Variants in ALDH3A1 observed in about 807,000 individuals in gnomAD.
The protein encoded by ALDH3A1 is aldehyde dehydrogenase, dimeric NADP-preferring.
ALDH3A1 carries 46 observed loss-of-function variants against 49.9 expected under a neutral mutation model. That is an observed-to-expected ratio of 0.92 (90% confidence interval 0.73 to 1.18). The LOEUF (loss-of-function observed/expected upper bound fraction) is 1.18, where lower values mean the gene tolerates loss of function less well. ALDH3A1 is among the 50% of genes most tolerant of loss of function. ALDH3A1 has a pLI of 0.00. For synonymous variants in ALDH3A1, 269 were observed against 253.3 expected (o/e 1.06, Z -0.59); for missense variants, 592 against 611.8 (o/e 0.97, Z 0.34).
intron 8 of ALDH3A1, 46 bp downstream of exon 8, chr17:19,739,462 T>C: frequency 1.9e-6 from 3 of 1,576,580 alleles, no homozygotes; most frequent in Non-Finnish European, 2.6e-6. Context: ...CCCAGGTCTG[T>C]GGGCCCCAGG....
intron 7 of ALDH3A1, 71 bp from the exon 8 acceptor site, chr17:19,739,745 G>A: frequency 6.5e-7 from 1 of 1,548,412 alleles, no homozygotes; most frequent in Middle Eastern, 1.7e-4. Context: ...CAAGCACCTA[G>A]ACCCCTGCTC....
chr17:19,739,466 C>T lies in ALDH3A1; in HGVS notation c.1116+42G>A, dbSNP rs772340321. On this transcript the variant is annotated intron_variant, in intron 8 of 10. Transcript: ENST00000225740. ...TGCAGTTTGAACCCAGGTCTGTGGG[C>T]CCCAGGACCCTGGCAGAGGGCACCC... 13 of 1,580,994 alleles carry T rather than the reference C, an allele frequency of 8.2e-6. No individual in the cohort carries two copies. The East Asian group carries it at 1.4e-4, about 17-fold the overall frequency.
rs765889019 is a variant in ALDH3A1 at position 19,743,016 on chromosome 17, C to T, written c.394+216G>A. 17 of 1,531,988 alleles carry T rather than the reference C, an allele frequency of 1.1e-5. 1 individual carries two copies. The South Asian group carries it at 2.0e-4, about 18-fold the overall frequency. 94.9% of individuals were successfully genotyped at this position (1,531,988 alleles called of 1,614,324 possible). A position where few individuals can be genotyped will look rare whatever the true frequency, so the allele number is the denominator to read the frequency against. The stretch of plus-strand genomic sequence containing the variant: ...CCAACAGGGGTGGGGGAAGGCAGGC[C>T]CTCTCTGTATCACCAGGTGTGGACA... On this transcript the variant is annotated intron_variant, in intron 3 of 10. Transcript: ENST00000225740. This position sits in a 1 kb window ranked among gnomAD's most constrained non-coding sequence, Gnocchi z 4.4.
Position 19,745,087 on chromosome 17 carries a change from A to C in ALDH3A1, c.43T>G (p.Phe15Val). 1 of 1,591,638 alleles carries C rather than the reference A, an allele frequency of 6.3e-7. No individual in the cohort carries two copies. The highest frequency in any genetic ancestry group is 1.1e-5 in the South Asian group (1 of 90,606). Residue 15 changes from phenylalanine (F) to valine (V), a missense_variant, in exon 2 of 11, where the codon TTC becomes GTC. Physicochemically the swap from Phe to Val is conservative, Grantham distance 50 (BLOSUM62 -1). Coordinates refer to ENST00000225740, the MANE Select transcript of ALDH3A1 (RefSeq NM_000691.5). ...SEAVKRARAAFSSGRTRPLQF... is the reference protein window; with the variant it reads ...SEAVKRARAAVSSGRTRPLQF... ...AGCGGACGGGTCCTGCCCGAGCTGA[A>C]GGCGGCGCGGGCGCGCTTCACGGCC... is the stretch of plus-strand genomic sequence containing the variant.
In ALDH3A1 at chr17:19,743,298, C is replaced by T. The variant is rs140767140; in HGVS notation, c.328G>A (p.Val110Ile). The T allele has an allele frequency of 9.5e-5, 153 of 1,614,110 alleles. No individual in the cohort carries two copies. In the African/African-American group the frequency reaches 1.0e-3, roughly 11 times the overall value. The change falls in exon 3 of 11, where the codon GTC becomes ATC. Residue 110 changes from valine to isoleucine, a missense_variant. Physicochemically the swap from Val to Ile is conservative, Grantham distance 29. Transcript: ENST00000225740. The surrounding 1 kb of genome is among the most constrained non-coding windows in gnomAD (Gnocchi z 4.4). ...IHSEPLGVVL[V>I]IGTWNYPFNL... ...AAGGGGTAGTTCCAGGTGCCAATGA[C>T]GAGGACCACGCCCAGTGGCTCCGAG...
intron 7 of ALDH3A1, among the ~76,000 whole-genome samples, 191 bp from the exon 8 acceptor site, chr17:19,739,865 G>A (rs1333713208): frequency 6.6e-6 from 1 of 152,128 alleles, no homozygotes; most frequent in Non-Finnish European, 1.5e-5. Context: ...AGACCACTGG[G>A]GACAACTATA....
intron 3 of ALDH3A1, 135 bp from the exon 4 acceptor site, chr17:19,742,765 G>A: frequency 1.3e-6 from 2 of 1,546,154 alleles, no homozygotes; most frequent in African/African-American, 1.4e-5. Context: ...TAGCAAACAA[G>A]CACATGTCAC....
At position 19,743,912 on chromosome 17, in the gene ALDH3A1, G is replaced by C. The variant is rs896432181; in HGVS notation, c.163-449C>G. On this transcript the variant is annotated intron_variant, in intron 2 of 10. Transcript: ENST00000225740. This position sits in a 1 kb window ranked among gnomAD's most constrained non-coding sequence, Gnocchi z 4.4. ...TTTAGTTGTCTGGAGGGGGATGCAGGACCAAGGGCTGCTGGGCGCTCAGGG... is the reference window on the plus strand; with the variant it reads ...TTTAGTTGTCTGGAGGGGGATGCAGCACCAAGGGCTGCTGGGCGCTCAGGG... The C allele has an allele frequency of 1.0e-6, 1 of 985,172 alleles. No homozygotes were observed. The highest frequency in any genetic ancestry group is 1.7e-5 in the African/African-American group (1 of 57,194). 61.0% of individuals were successfully genotyped at this position (985,172 alleles called of 1,614,324 possible). A position where few individuals can be genotyped will look rare whatever the true frequency, so the allele number is the denominator to read the frequency against.
Position 19,738,151 on chromosome 17 carries a change from G to A in ALDH3A1, c.*70C>T, listed in dbSNP as rs2086419389. 6.2e-7 allele frequency: 1 copy of A among 1,611,370 alleles called. No homozygotes were observed. The highest frequency in any genetic ancestry group is 1.7e-5 in the Admixed American group (1 of 60,006). On this transcript the variant is annotated 3_prime_UTR_variant, in exon 11 of 11. Transcript: ENST00000225740. ...GCAGGAGCGATTCTCCCAGGGCCAG[G>A]AGAGCCAGTGAGGGTGGTCCGCACT... is the stretch of plus-strand genomic sequence containing the variant.
rs994544369 is a variant in ALDH3A1, at chr17:19,748,170, G to T, written c.-6+89C>A. 2 of 367,718 alleles carry T rather than the reference G, an allele frequency of 5.4e-6. No individual in the cohort carries two copies. The highest frequency in any genetic ancestry group is 6.7e-5 in the Admixed American group (2 of 29,960). 22.8% of individuals were successfully genotyped at this position (367,718 alleles called of 1,614,324 possible). A position where few individuals can be genotyped will look rare whatever the true frequency, so the allele number is the denominator to read the frequency against. ...GGCAGGGACCCCCTGGAGAGATGAT[G>T]TAGGACTCTTGACACTTAGGGCCCC... On this transcript the variant is annotated intron_variant, in intron 1 of 10. Transcript: ENST00000225740. The surrounding 1 kb of genome is among the most constrained non-coding windows in gnomAD (Gnocchi z 4.4).
In ALDH3A1 at chr17:19,743,930, G is replaced by T. The variant is rs369365709; in HGVS notation, c.163-467C>A. The T allele has an allele frequency of 2.0e-6, 2 of 985,286 alleles. No individual in the cohort carries two copies. Among genetic ancestry groups the T allele is most frequent in the Non-Finnish European group, 2.4e-6 (2 of 829,884 alleles). The allele number at this position is 985,286 out of a possible 1,614,324, so 61.0% of individuals were successfully genotyped here. A position where few individuals can be genotyped will look rare whatever the true frequency, so the allele number is the denominator to read the frequency against. ...GATGCAGGACCAAGGGCTGCTGGGC[G>T]CTCAGGGCCTCCTGTGGGGAGCAGG... is the stretch of plus-strand genomic sequence containing the variant. On this transcript the variant is annotated intron_variant, in intron 2 of 10. Coordinates refer to ENST00000225740, the MANE Select transcript of ALDH3A1 (RefSeq NM_000691.5). This position sits in a 1 kb window ranked among gnomAD's most constrained non-coding sequence, Gnocchi z 4.4.
In ALDH3A1 at chr17:19,743,200, C is replaced by G; in HGVS notation, c.394+32G>C. On this transcript the variant is annotated intron_variant, in intron 3 of 10. Coordinates refer to ENST00000225740, the MANE Select transcript of ALDH3A1 (RefSeq NM_000691.5). This position sits in a 1 kb window ranked among gnomAD's most constrained non-coding sequence, Gnocchi z 4.4. ...TGGCTCCACGCTGGGGGACGGTGCT[C>G]CCCCAGCTTCCCTTCCCACAGGGCC... 6.2e-7 allele frequency: 1 copy of G among 1,611,428 alleles called. No individual in the cohort carries two copies. Among genetic ancestry groups the G allele is most frequent in the Non-Finnish European group, 8.5e-7 (1 of 1,179,226 alleles).
chr17:19,744,901 G>GACCC, intron 2 of ALDH3A1, 67 bp downstream of exon 2: 2 of 434,632 alleles, frequency 4.6e-6, no homozygotes, highest in Non-Finnish European at 6.4e-6. Flanking sequence ...ACTCTCCCCA[G>GACCC]CCCCTCCCCC....
Position 19,743,903 on chromosome 17 carries a change from G to C in ALDH3A1, c.163-440C>G, listed in dbSNP as rs2086551078. 12 of 985,116 alleles carry C rather than the reference G, an allele frequency of 1.2e-5. No homozygotes were observed. Among genetic ancestry groups the C allele is most frequent in the Non-Finnish European group, 1.4e-5 (12 of 829,880 alleles). 61.0% of individuals were successfully genotyped at this position (985,116 alleles called of 1,614,324 possible). ...GCCAGGCCCTTTAGTTGTCTGGAGGGGGATGCAGGACCAAGGGCTGCTGGG... is the reference window on the plus strand; with the variant it reads ...GCCAGGCCCTTTAGTTGTCTGGAGGCGGATGCAGGACCAAGGGCTGCTGGG... On this transcript the variant is annotated intron_variant, in intron 2 of 10. Transcript: ENST00000225740. This position sits in a 1 kb window ranked among gnomAD's most constrained non-coding sequence, Gnocchi z 4.4.
Position 19,742,152 on chromosome 17 carries a change from A to G in ALDH3A1, c.541T>C (p.Phe181Leu). ...PETTELLKER[F>L]DHILYTGSTG... Reference sequence around the variant, plus strand: ...CTGCCCGTGTACAGGATATGGTCGAACCTCTCCTTGAGCAGCTCCGTGGTC... The same window carrying G: ...CTGCCCGTGTACAGGATATGGTCGAGCCTCTCCTTGAGCAGCTCCGTGGTC... Residue 181 changes from phenylalanine (F) to leucine (L), a missense_variant, in exon 5 of 11, where the codon TTC becomes CTC. Coordinates refer to ENST00000225740, the MANE Select transcript of ALDH3A1 (RefSeq NM_000691.5). 1.2e-6 allele frequency: 2 copies of G among 1,613,880 alleles called. No individual in the cohort carries two copies. Among genetic ancestry groups the G allele is most frequent in the Admixed American group, 3.3e-5 (2 of 60,012 alleles).
rs1400589553 is a variant in ALDH3A1 at position 19,744,579 on chromosome 17, TGGGA to T, written c.162+385_162+388del. The T allele has an allele frequency of 3.0e-6, 3 of 985,176 alleles. No homozygotes were observed. In the African/African-American group the frequency reaches 5.2e-5, roughly 17 times the overall value. The allele number at this position is 985,176 out of a possible 1,614,324, so 61.0% of individuals were successfully genotyped here. A position where few individuals can be genotyped will look rare whatever the true frequency, so the allele number is the denominator to read the frequency against. On this transcript the variant is annotated intron_variant, in intron 2 of 10. Coordinates refer to ENST00000225740, the MANE Select transcript of ALDH3A1 (RefSeq NM_000691.5). ...GGGACGGAACAGCCCCTGTGAGAAC[TGGGA>T]GGGAGGGGAGAGCCCCCCATGCCCT...
rs1335228755 is a variant in ALDH3A1 at position 19,742,183 on chromosome 17, G to A, written c.510C>T (p.Val170=). The change falls in exon 5 of 11, where the codon GTC becomes GTT. Residue 170 remains valine (V), a synonymous_variant. Transcript: ENST00000225740. ...KDLYPVINGG[V]PETTELLKER... The stretch of plus-strand genomic sequence containing the variant: ...CCTTGAGCAGCTCCGTGGTCTCAGG[G>A]ACACCCCCATTGATTACTGGGTACA... 2 of 1,613,938 alleles carry A rather than the reference G, an allele frequency of 1.2e-6. No homozygotes were observed. Among genetic ancestry groups the A allele is most frequent in the Non-Finnish European group, 1.7e-6 (2 of 1,180,004 alleles).
rs745330622 is a variant in ALDH3A1, at chr17:19,743,284, C to T, written c.342G>A (p.Trp114Ter). ...PLGVVLVIGT[W>*]NYPFNLTIQP... Reference sequence around the variant, plus strand: ...GGATGGTGAGGTTGAAGGGGTAGTTCCAGGTGCCAATGACGAGGACCACGC... The same window carrying T: ...GGATGGTGAGGTTGAAGGGGTAGTTTCAGGTGCCAATGACGAGGACCACGC... Residue 114 changes from tryptophan (W) to a stop codon, truncating the protein, a stop_gained, in exon 3 of 11, where the codon TGG becomes TGA. Coordinates refer to ENST00000225740, the MANE Select transcript of ALDH3A1 (RefSeq NM_000691.5). LOFTEE classifies it high-confidence loss of function. This position sits in a 1 kb window ranked among gnomAD's most constrained non-coding sequence, Gnocchi z 4.4. 2.0e-5 allele frequency: 33 copies of T among 1,614,062 alleles called. 2 individuals are homozygous for T. The South Asian group carries it at 3.6e-4, about 18-fold the overall frequency.
At chr17:19,740,784 T>C (rs2086477508) in intron 6 of ALDH3A1, among the ~76,000 whole-genome samples, 1 of 152,112 alleles carries the variant, frequency 6.6e-6, no homozygotes, top group Non-Finnish European at 1.5e-5. Context: ...GCCTTCTAAG[T>C]AGCTGAGACA....
Sources: allele counts gnomAD v4.1 joint callset (sites outside exome capture counted in the v4.1 genomes callset), GRCh38; gene constraint gnomAD v4.1.1; non-coding constraint Gnocchi (gnomAD v3.1); transcripts MANE v1.5; gene names NCBI Gene and HGNC (gene_info 2026-07-23, HGNC 2026-07-21).